ARHGAP21: variants seen among roughly 807,000 people sequenced by gnomAD.
ARHGAP21 encodes Rho GTPase activating protein 21, also known as rho GTPase-activating protein 21.
A neutral mutation model predicts 164.6 loss-of-function variants in ARHGAP21; 38 were observed. The observed-to-expected ratio is 0.23, with a 90% confidence interval of 0.18 to 0.30. ARHGAP21 has a LOEUF of 0.30. Among genes scored for constraint, ARHGAP21 ranks in the 10% least tolerant of loss-of-function variants. The pLI is 1.00. For missense variants in ARHGAP21, 1,822 were observed against 2,370.7 expected, an observed-to-expected ratio of 0.77 and a Z score of 4.81; for synonymous variants, 766 against 857.9, an observed-to-expected ratio of 0.89 and a Z score of 1.87.
intron 2 of ARHGAP21, among the ~76,000 whole-genome samples, chr10:24,688,164 GT>G (rs1450543337): frequency 6.6e-6 from 1 of 152,230 alleles, no homozygotes; most frequent in Non-Finnish European, 1.5e-5. Flanking sequence ...GCCTAGGCGG[GT>G]GGATCACCTG....
intron 24 of ARHGAP21, chr10:24,590,282 C>T: frequency 1.3e-6 from 2 of 1,523,772 alleles, no homozygotes; most frequent in East Asian, 2.5e-5. Context: ...TAGTATTGAT[C>T]TGTTTACAAT....
chr10:24,710,659 A>C (rs914213386), intron 2 of ARHGAP21, among the ~76,000 whole-genome samples: 1 of 152,212 alleles, frequency 6.6e-6, no homozygotes, highest in Non-Finnish European at 1.5e-5. Flanking sequence ...TTGTTAATAA[A>C]TGTGGAAGGA....
At chr10:24,623,859 A>G (rs890665936) in intron 7 of ARHGAP21, among the ~76,000 whole-genome samples, 1 of 152,254 alleles carries the variant, frequency 6.6e-6, no homozygotes, top group African/African-American at 2.4e-5. Context: ...AGGTTTTAAC[A>G]TAATTAGAAT....
Position 24,655,572 on chromosome 10 carries a change from A to G in ARHGAP21, c.268+11413T>C, listed in dbSNP as rs1593182126. Among the ~76,000 whole-genome samples the G allele has an allele frequency of 3.3e-5, 5 of 150,752 alleles. No homozygotes were observed. In the South Asian group the frequency reaches 8.8e-4, roughly 27 times the overall value. On this transcript the variant is annotated intron_variant, in intron 4 of 25. Coordinates refer to ENST00000396432, the MANE Select transcript of ARHGAP21 (RefSeq NM_020824.4). ...GACGGGCCCCGCGGGGCCCGAGGGC[A>G]AGGAGCAGCCGCCTGCCTTGGCCTC...
chr10:24,622,902 G>T, intron 7 of ARHGAP21, 140 bp from the exon 8 acceptor site: 1 of 687,116 alleles, frequency 1.5e-6, no homozygotes, highest in Middle Eastern at 3.2e-4. Context: ...GAGGTAAAGG[G>T]CAGTGAAGCA....
At chr10:24,662,175 G>T (rs1468441278) in intron 4 of ARHGAP21, among the ~76,000 whole-genome samples, 15 of 152,086 alleles carry the variant, frequency 9.9e-5, no homozygotes, top group Admixed American at 9.8e-4. Flanking sequence ...AGGATTCACA[G>T]AATTAATTTC....
chr10:24,653,337 G>A (rs1234989881), intron 4 of ARHGAP21, among the ~76,000 whole-genome samples: 1 of 152,158 alleles, frequency 6.6e-6, no homozygotes, highest in Admixed American at 6.5e-5. Flanking sequence ...CACTTTGGGA[G>A]GCCAAGGCGG....
intron 4 of ARHGAP21, among the ~76,000 whole-genome samples, chr10:24,635,436 C>A (rs981830453): frequency 6.6e-6 from 1 of 152,124 alleles, no homozygotes; most frequent in African/African-American, 2.4e-5. Context: ...AAAGAGGAAA[C>A]TGAAGCTTAG....
chr10:24,672,535 C>A (rs1030077257), intron 2 of ARHGAP21, among the ~76,000 whole-genome samples: 2 of 152,168 alleles, frequency 1.3e-5, no homozygotes, highest in African/African-American at 2.4e-5. Flanking sequence ...GTATTTCTAA[C>A]CCAAGCCTCT....
intron 1 of ARHGAP21, chr10:24,722,497 G>T (rs1159439144): frequency 6.5e-6 from 1 of 154,610 alleles, no homozygotes; most frequent in African/African-American, 2.4e-5. Flanking sequence ...TGGCTGTTAT[G>T]CAGCCTTCAA....
intron 2 of ARHGAP21, among the ~76,000 whole-genome samples, chr10:24,712,293 T>A (rs758186452): frequency 7.9e-5 from 12 of 152,116 alleles, no homozygotes; most frequent in Non-Finnish European, 1.3e-4. Flanking sequence ...GACTTGGGCA[T>A]GCAGTGGAGA....
intron 9 of ARHGAP21, among the ~76,000 whole-genome samples, chr10:24,612,416 C>A (rs530683101): frequency 2.6e-5 from 4 of 152,200 alleles, no homozygotes; most frequent in Non-Finnish European, 4.4e-5. Flanking sequence ...TATCTTTTTA[C>A]CAAAATATGG....
rs149005962 is a variant in ARHGAP21, at chr10:24,630,882, C to T, written c.441-832G>A. ...TTTACTGTCACAACTACTGAGCTGA[C>T]TCATTTTTAATAACTATATAACATT... On this transcript the variant is annotated intron_variant, in intron 6 of 25. Coordinates refer to ENST00000396432, the MANE Select transcript of ARHGAP21 (RefSeq NM_020824.4). Among the ~76,000 whole-genome samples, 51 of 152,322 alleles carry T rather than the reference C, an allele frequency of 3.3e-4. No homozygotes were observed. The East Asian group carries it at 9.8e-3, about 29-fold the overall frequency.
At chr10:24,705,953 A>G (rs545038098) in intron 2 of ARHGAP21, among the ~76,000 whole-genome samples, 3 of 152,346 alleles carry the variant, frequency 2.0e-5, no homozygotes, top group African/African-American at 7.2e-5. Flanking sequence ...TTCTTAGGGA[A>G]GAACACTCAA....
At chr10:24,716,107 C>T (rs916134314) in intron 2 of ARHGAP21, among the ~76,000 whole-genome samples, 1 of 152,202 alleles carries the variant, frequency 6.6e-6, no homozygotes, top group Non-Finnish European at 1.5e-5. Flanking sequence ...ATTCCAAAAA[C>T]ATATTTATTG....
At chr10:24,588,503 A>G (rs546318565) in intron 25 of ARHGAP21, among the ~76,000 whole-genome samples, 1 of 152,034 alleles carries the variant, frequency 6.6e-6, no homozygotes. Context: ...ATGATAAAGC[A>G]TTTTTGTAAG....
intron 2 of ARHGAP21, among the ~76,000 whole-genome samples, chr10:24,717,557 A>C (rs1413078472): frequency 6.6e-6 from 1 of 152,142 alleles, no homozygotes; most frequent in Non-Finnish European, 1.5e-5. Context: ...AAAATCAGCC[A>C]TGGAGCAGAG....
intron 9 of ARHGAP21, among the ~76,000 whole-genome samples, chr10:24,614,620 TA>T (rs1243930899): frequency 5.3e-5 from 8 of 151,694 alleles, no homozygotes; most frequent in Non-Finnish European, 1.2e-4. Flanking sequence ...CCGTTTCTAC[TA>T]AAAATACAAA....
chr10:24,710,694 T>C (rs753798324), intron 2 of ARHGAP21, among the ~76,000 whole-genome samples: 6 of 152,318 alleles, frequency 3.9e-5, no homozygotes, highest in Non-Finnish European at 7.4e-5. Context: ...ACAGGAAAGT[T>C]TGGCACTAGA....
Sources: allele counts gnomAD v4.1 joint callset (sites outside exome capture counted in the v4.1 genomes callset), GRCh38; gene constraint gnomAD v4.1.1; transcripts MANE v1.5; gene names NCBI Gene and HGNC (gene_info 2026-07-23, HGNC 2026-07-21).